The following PCDHGB7 variants were observed in gnomAD, a reference collection of about 807,000 sequenced individuals.
The protein encoded by PCDHGB7 is protocadherin gamma subfamily B, 7.
Under a neutral mutation model 61.4 loss-of-function variants are expected in PCDHGB7, and 37 were observed. The ratio of observed to expected loss-of-function variants is 0.60; its 90% confidence interval spans 0.46 to 0.79. PCDHGB7 has a LOEUF of 0.79. Ranked by LOEUF, PCDHGB7 falls within the 30% of genes least tolerant of loss-of-function variation. The pLI, the probability that PCDHGB7 is intolerant of heterozygous loss-of-function variation, is 0.00. For missense variants in PCDHGB7, 1,166 were observed against 1,202.5 expected (o/e 0.97, Z 0.45); for synonymous variants, 464 against 503.5 (o/e 0.92, Z 1.05).
chr5:141,478,822 T>A, intron 1 of PCDHGB7: 2 of 1,444,070 alleles, frequency 1.4e-6, no homozygotes, highest in South Asian at 1.5e-5. Context: ...AACTAACCAA[T>A]CTTGCTAAGG....
rs1562059777 is a variant in PCDHGB7, at chr5:141,477,098, G to C, written c.2416-17709G>C. 6.2e-7 allele frequency: 1 copy of C among 1,614,242 alleles called. No individual in the cohort carries two copies. Among genetic ancestry groups the C allele is most frequent in the Non-Finnish European group, 8.5e-7 (1 of 1,180,046 alleles). ...GATTTACATCCAGGCCAAAGACAAG[G>C]GCGCCAATCCCGAAGGAGCACATTG... On this transcript the variant is annotated intron_variant, in intron 1 of 3. Transcript: ENST00000398594. This position sits in a 1 kb window ranked among gnomAD's most constrained non-coding sequence, Gnocchi z 4.9.
chr5:141,475,679 T>A (rs967189869), intron 1 of PCDHGB7, among the ~76,000 whole-genome samples: 2 of 152,236 alleles, frequency 1.3e-5, no homozygotes, highest in African/African-American at 4.8e-5. Flanking sequence ...GAGTCTTGAT[T>A]TGGATTGGAG....
chr5:141,501,500 C>G (rs1385290676), intron 2 of PCDHGB7, among the ~76,000 whole-genome samples: 1 of 151,934 alleles, frequency 6.6e-6, no homozygotes, highest in Non-Finnish European at 1.5e-5. Context: ...GCTGCTGGGG[C>G]TCCAAGGCCT....
rs1309124846 is a variant in PCDHGB7, at chr5:141,491,295, T to C, written c.2416-3512T>C. On this transcript the variant is annotated intron_variant, in intron 1 of 3. Coordinates refer to ENST00000398594, the MANE Select transcript of PCDHGB7 (RefSeq NM_018927.4). This position sits in a 1 kb window ranked among gnomAD's most constrained non-coding sequence, Gnocchi z 6.9. ...CCAGTGACTTCCTCATACACCCTCC[T>C]GAGCGTTCAGACCTTACCCTTTACC... The C allele has an allele frequency of 6.2e-7, 1 of 1,614,176 alleles. No homozygotes were observed. Among genetic ancestry groups the C allele is most frequent in the Non-Finnish European group, 8.5e-7 (1 of 1,179,994 alleles).
Position 141,421,259 on chromosome 5 carries a change from G to C in PCDHGB7, c.2415+985G>C. The C allele has an allele frequency of 6.2e-7, 1 of 1,609,254 alleles. No individual in the cohort carries two copies. The highest frequency in any genetic ancestry group is 8.5e-7 in the Non-Finnish European group (1 of 1,178,538). The stretch of plus-strand genomic sequence containing the variant: ...AATCGGCTACAGCGCGGGGACCGCA[G>C]TCGGCTGCTGCTGCTGCTGTGCATT... On this transcript the variant is annotated intron_variant, in intron 1 of 3. Transcript: ENST00000398594.
At chr5:141,470,602 G>A (rs1004044883) in intron 1 of PCDHGB7, among the ~76,000 whole-genome samples, 1 of 152,268 alleles carries the variant, frequency 6.6e-6, no homozygotes, top group South Asian at 2.1e-4. Flanking sequence ...ACCTGTGCGG[G>A]GACACAGGGC....
rs3749766 is a variant in PCDHGB7 at position 141,419,425 on chromosome 5, C to A, written c.1566C>A (p.His522Gln). The A allele has an allele frequency of 2.5e-6, 4 of 1,613,316 alleles. No homozygotes were observed. Among genetic ancestry groups the A allele is most frequent in the Non-Finnish European group, 3.4e-6 (4 of 1,179,854 alleles). Residue 522 changes from histidine to glutamine, a missense_variant, in exon 1 of 4, where the codon CAC becomes CAA. Transcript: ENST00000398594. ...TGTTCGCGCAGCGCGCCTTCGACCACGAGCAGCTGCGCACCTTCGAGCTCA... is the reference window on the plus strand; with the variant it reads ...TGTTCGCGCAGCGCGCCTTCGACCAAGAGCAGCTGCGCACCTTCGAGCTCA... ...GVVFAQRAFD[H>Q]EQLRTFELTL...
At chr5:141,507,862 G>A (rs17286954) in intron 3 of PCDHGB7, among the ~76,000 whole-genome samples, 4 of 152,076 alleles carry the variant, frequency 2.6e-5, no homozygotes, top group African/African-American at 7.2e-5. Flanking sequence ...TTTCACACCC[G>A]CTTCCTAGCC....
In PCDHGB7 at chr5:141,477,143, G is replaced by T; in HGVS notation, c.2416-17664G>T. On this transcript the variant is annotated intron_variant, in intron 1 of 3. Transcript: ENST00000398594. The surrounding 1 kb of genome is among the most constrained non-coding windows in gnomAD (Gnocchi z 4.9). The stretch of plus-strand genomic sequence containing the variant: ...ACATTGCAAAGTGTTGGTGGAGGTT[G>T]TGGATGTGAATGACAACGCCCCGGA... The T allele has an allele frequency of 6.2e-7, 1 of 1,614,198 alleles. No homozygotes were observed. The highest frequency in any genetic ancestry group is 8.5e-7 in the Non-Finnish European group (1 of 1,180,036).
At chr5:141,457,412 C>A (rs2098919309) in intron 1 of PCDHGB7, among the ~76,000 whole-genome samples, 1 of 152,188 alleles carries the variant, frequency 6.6e-6, no homozygotes. Flanking sequence ...TCACATTACC[C>A]ATCCCTTTTT....
rs370822103 is a variant in PCDHGB7, at chr5:141,418,530, G to A, written c.671G>A (p.Gly224Asp). 5.0e-6 allele frequency: 8 copies of A among 1,613,834 alleles called. No individual in the cohort carries two copies. Among genetic ancestry groups the A allele is most frequent in the Non-Finnish European group, 6.8e-6 (8 of 1,179,892 alleles). Reference sequence around the variant, plus strand: ...GATGGTGGGGACCCTCCCCGAAGCGGTACTGCTCAGATAAGAATCCTGGTA... The same window carrying A: ...GATGGTGGGGACCCTCCCCGAAGCGATACTGCTCAGATAAGAATCCTGGTA... Reference protein sequence around the residue: ...ALDGGDPPRSGTAQIRILVID... With the variant: ...ALDGGDPPRSDTAQIRILVID... The change falls in exon 1 of 4, where the codon GGT becomes GAT. Residue 224 changes from glycine to aspartate, a missense_variant. Transcript: ENST00000398594.
intron 1 of PCDHGB7, among the ~76,000 whole-genome samples, chr5:141,448,476 G>A (rs1002358317): frequency 1.3e-5 from 2 of 151,976 alleles, no homozygotes; most frequent in African/African-American, 4.8e-5. Flanking sequence ...TTCCACCCTT[G>A]CTTCCTCCTG....
intron 1 of PCDHGB7, among the ~76,000 whole-genome samples, chr5:141,436,742 G>A (rs568532036): frequency 3.9e-4 from 59 of 152,304 alleles, no homozygotes; most frequent in Non-Finnish European, 7.1e-4. Flanking sequence ...ATTTTTGTGT[G>A]CTTCTCCATA....
Position 141,485,098 on chromosome 5 carries a change from A to G in PCDHGB7, c.2416-9709A>G, listed in dbSNP as rs2099606903. ...CGGGGAAAGGGAGATAGGTGTCTCCAGCTGCTGTGGCTGTTTGGGGCGGGT... is the reference window on the plus strand; with the variant it reads ...CGGGGAAAGGGAGATAGGTGTCTCCGGCTGCTGTGGCTGTTTGGGGCGGGT... On this transcript the variant is annotated intron_variant, in intron 1 of 3. Transcript: ENST00000398594. This position sits in a 1 kb window ranked among gnomAD's most constrained non-coding sequence, Gnocchi z 5.7. 8.8e-7 allele frequency: 1 copy of G among 1,134,792 alleles called. No individual in the cohort carries two copies. Among genetic ancestry groups the G allele is most frequent in the South Asian group, 1.4e-5 (1 of 71,796 alleles). The allele number at this position is 1,134,792 out of a possible 1,614,324, so 70.3% of individuals were successfully genotyped here. A position where few individuals can be genotyped will look rare whatever the true frequency, so the allele number is the denominator to read the frequency against.
Position 141,419,386 on chromosome 5 carries a change from G to T in PCDHGB7, c.1527G>T (p.Ala509=). 2.5e-6 allele frequency: 4 copies of T among 1,613,650 alleles called. No individual in the cohort carries two copies. Among genetic ancestry groups the T allele is most frequent in the Non-Finnish European group, 3.4e-6 (4 of 1,179,898 alleles). The change falls in exon 1 of 4, where the codon GCG becomes GCT. Residue 509 remains alanine (A), a synonymous_variant. Transcript: ENST00000398594. ...TGTCGTCCTACGTGTCCGTGAGCGC[G>T]CAGAGCGGGGTGGTGTTCGCGCAGC... ...RTLSSYVSVS[A]QSGVVFAQRA...
Position 141,489,429 on chromosome 5 carries a change from G to A in PCDHGB7, c.2416-5378G>A. 1 of 1,614,140 alleles carries A rather than the reference G, an allele frequency of 6.2e-7. No individual in the cohort carries two copies. Among genetic ancestry groups the A allele is most frequent in the Non-Finnish European group, 8.5e-7 (1 of 1,180,036 alleles). ...AGATGACAGATCTGTTGAGCCGGCG[G>A]CTGCAATTGGGCTCTGAGGAGAATG... On this transcript the variant is annotated intron_variant, in intron 1 of 3. Transcript: ENST00000398594. The surrounding 1 kb of genome is among the most constrained non-coding windows in gnomAD (Gnocchi z 4.5).
chr5:141,491,379 A>G lies in PCDHGB7; in HGVS notation c.2416-3428A>G, dbSNP rs140150079. 423 of 1,613,968 alleles carry G rather than the reference A, an allele frequency of 2.6e-4. No homozygotes were observed. Among genetic ancestry groups the G allele is most frequent in the Non-Finnish European group, 3.0e-4 (359 of 1,179,986 alleles). On this transcript the variant is annotated intron_variant, in intron 1 of 3. Transcript: ENST00000398594. The surrounding 1 kb of genome is among the most constrained non-coding windows in gnomAD (Gnocchi z 6.9). ...CCCTAGTCACCTTCACCTTTCTGTC[A>G]GCGAAGTGCCTTCAGGGAAACGCAG...
intron 2 of PCDHGB7, among the ~76,000 whole-genome samples, chr5:141,505,146 A>G (rs2099844101): frequency 6.6e-6 from 1 of 152,190 alleles, no homozygotes; most frequent in Non-Finnish European, 1.5e-5. Flanking sequence ...TGGATGACAG[A>G]GTAAGACCCT....
intron 1 of PCDHGB7, among the ~76,000 whole-genome samples, chr5:141,443,756 A>G (rs1234457212): frequency 6.6e-6 from 1 of 152,232 alleles, no homozygotes; most frequent in Non-Finnish European, 1.5e-5. Flanking sequence ...TTGGAAGCTT[A>G]CAATATACAA....
Sources: allele counts gnomAD v4.1 joint callset (sites outside exome capture counted in the v4.1 genomes callset), GRCh38; gene constraint gnomAD v4.1.1; non-coding constraint Gnocchi (gnomAD v3.1); transcripts MANE v1.5; gene names NCBI Gene and HGNC (gene_info 2026-07-23, HGNC 2026-07-21).